GGH: variants seen among roughly 807,000 people sequenced by gnomAD.
GGH encodes the protein gamma-Glu-X carboxypeptidase.
In GGH, 18 loss-of-function variants were observed where a neutral mutation model predicts 39.2. The ratio of observed to expected loss-of-function variants is 0.46; its 90% CI spans 0.32 to 0.68. The LOEUF is 0.68. Ranked by LOEUF, GGH falls within the 30% of genes least tolerant of loss-of-function variation. The pLI is 0.04. For missense variants in GGH, 367 were observed against 384.1 expected (o/e 0.96, Z 0.37); for synonymous variants, 147 against 138.8 (o/e 1.06, Z -0.42).
intron 7 of GGH, among the ~76,000 whole-genome samples, chr8:63,022,511 C>CCCT (rs1554602561): frequency 6.6e-6 from 1 of 151,538 alleles, no homozygotes; most frequent in Non-Finnish European, 1.5e-5. Context: ...CTGTGTCTAA[C>CCCT]CTGATTAACA....
At chr8:63,016,665 T>G (rs2130950222) in intron 8 of GGH, among the ~76,000 whole-genome samples, 2 of 152,328 alleles carry the variant, frequency 1.3e-5, no homozygotes, top group East Asian at 3.9e-4. Context: ...ATGAAACGAC[T>G]TCAAAGTAAA....
At chr8:63,020,895 G>A (rs866889150) in intron 7 of GGH, among the ~76,000 whole-genome samples, 2 of 152,158 alleles carry the variant, frequency 1.3e-5, no homozygotes, top group Non-Finnish European at 2.9e-5. Context: ...CTGGAAGATG[G>A]GTTTGTGGAA....
chr8:63,016,308 T>C (rs1804486339), intron 8 of GGH, among the ~76,000 whole-genome samples: 1 of 152,142 alleles, frequency 6.6e-6, no homozygotes. Context: ...ACTAATACTG[T>C]ATATGGGATA....
At chr8:63,017,871 C>T (rs12677972) in intron 7 of GGH, 47,618 of 373,906 alleles carry the variant, frequency 0.13, 3,960 homozygotes, top group East Asian at 0.36. Flanking sequence ...TTTCGAGATA[C>T]TCATAGCAAA....
intron 7 of GGH, among the ~76,000 whole-genome samples, chr8:63,018,347 G>A (rs1404746775): frequency 6.6e-6 from 1 of 151,738 alleles, no homozygotes; most frequent in Non-Finnish European, 1.5e-5. Flanking sequence ...TTCTTCAGAT[G>A]TGCCTTTCCT....
chr8:63,030,879 T>A (rs1047437182), intron 2 of GGH, among the ~76,000 whole-genome samples: 1 of 152,128 alleles, frequency 6.6e-6, no homozygotes, highest in African/African-American at 2.4e-5. Context: ...CTTTATTCCC[T>A]TTCTCCAGAA....
At chr8:63,018,168 T>C (rs1416800096) in intron 7 of GGH, among the ~76,000 whole-genome samples, 2 of 152,042 alleles carry the variant, frequency 1.3e-5, no homozygotes, top group Admixed American at 6.6e-5. Context: ...AAAGCAGACA[T>C]AAAACAAGAA....
chr8:63,020,084 AC>A (rs1804560378), intron 7 of GGH, among the ~76,000 whole-genome samples: 2 of 152,094 alleles, frequency 1.3e-5, no homozygotes, highest in Admixed American at 6.6e-5. Context: ...TTTCCCACAA[AC>A]TTTTTGAAGT....
intron 3 of GGH, 61 bp downstream of exon 3, chr8:63,030,106 T>C: frequency 1.4e-6 from 1 of 737,058 alleles, no homozygotes; most frequent in Admixed American, 2.1e-5. Context: ...TGATTTCTTT[T>C]ACAAAAGCAG....
chr8:63,018,699 C>G (rs1804531082), intron 7 of GGH, among the ~76,000 whole-genome samples: 1 of 152,184 alleles, frequency 6.6e-6, no homozygotes, highest in Non-Finnish European at 1.5e-5. Flanking sequence ...AGCAAGAGAC[C>G]CACAGGCTGG....
chr8:63,035,337 G>A (rs568919337), intron 2 of GGH, among the ~76,000 whole-genome samples: 3 of 152,200 alleles, frequency 2.0e-5, no homozygotes, highest in African/African-American at 4.8e-5. Flanking sequence ...ATGGAGTCTC[G>A]ATCTGTTGCC....
chr8:63,036,011 C>T (rs1038196261), intron 1 of GGH, among the ~76,000 whole-genome samples: 8 of 152,128 alleles, frequency 5.3e-5, no homozygotes, highest in Admixed American at 6.5e-5. Flanking sequence ...AGAAGGCTTA[C>T]AATAGCACTT....
At chr8:63,025,781 C>T (rs971169488) in intron 5 of GGH, among the ~76,000 whole-genome samples, 4 of 151,788 alleles carry the variant, frequency 2.6e-5, no homozygotes, top group African/African-American at 7.3e-5. Flanking sequence ...AACCCCTAAG[C>T]GTTATTAGAC....
rs191194248 is a variant in GGH, at chr8:63,027,304, G to A, written c.276-39C>T. 2.1e-4 allele frequency: 220 copies of A among 1,068,560 alleles called. 1 individual carries two copies. The East Asian group carries it at 5.1e-3, about 25-fold the overall frequency. 66.2% of individuals were successfully genotyped at this position (1,068,560 alleles called of 1,614,324 possible). A position where few individuals can be genotyped will look rare whatever the true frequency, so the allele number is the denominator to read the frequency against. On this transcript the variant is annotated intron_variant, in intron 3 of 8. Coordinates refer to ENST00000260118, the MANE Select transcript of GGH (RefSeq NM_003878.3). Reference sequence around the variant, plus strand: ...ACATAAATCAAATAGGGTGTATTTTGCCACCCCCGACCCATACACACACAG... The same window carrying A: ...ACATAAATCAAATAGGGTGTATTTTACCACCCCCGACCCATACACACACAG...
intron 5 of GGH, chr8:63,024,791 A>C (rs1047600733): frequency 6.6e-6 from 1 of 152,238 alleles, no homozygotes; most frequent in Non-Finnish European, 1.5e-5. Context: ...GTTTCAAACC[A>C]GGCCCCTTAT....
intron 7 of GGH, among the ~76,000 whole-genome samples, chr8:63,022,244 G>T (rs551179077): frequency 6.6e-6 from 1 of 151,472 alleles, no homozygotes; most frequent in Non-Finnish European, 1.5e-5. Flanking sequence ...AAACCTTATT[G>T]TAGTGTGCCT....
intron 2 of GGH, among the ~76,000 whole-genome samples, chr8:63,032,274 G>A (rs867180241): frequency 8.5e-5 from 13 of 152,064 alleles, no homozygotes; most frequent in Middle Eastern, 3.2e-3. Flanking sequence ...GAACTTAAGC[G>A]ATCTTCCCAC....
chr8:63,020,112 C>T (rs72658355), intron 7 of GGH, among the ~76,000 whole-genome samples: 3,609 of 152,212 alleles, frequency 0.024, 58 homozygotes, highest in Middle Eastern at 0.031. Flanking sequence ...CATTCAGTAA[C>T]GAGTGAGATT....
Position 63,021,669 on chromosome 8 carries a change from C to CTTTTTTTTT in GGH, c.697+2229_697+2237dup, listed in dbSNP as rs752057959. Among the ~76,000 whole-genome samples, 20 of 93,312 alleles carry CTTTTTTTTT rather than the reference C, an allele frequency of 2.1e-4. 1 individual carries two copies. Among genetic ancestry groups the CTTTTTTTTT allele is most frequent in the African/African-American group, 4.5e-4 (10 of 22,062 alleles). 61.2% of individuals were successfully genotyped at this position (93,312 alleles called of 152,430 possible). On this transcript the variant is annotated intron_variant, in intron 7 of 8. Coordinates refer to ENST00000260118, the MANE Select transcript of GGH (RefSeq NM_003878.3). ...ATGGTATCCATTCAAATCTCATATC[C>CTTTTTTTTT]TTTTTTTTTTTTTTTTTTTTTTTGA...
Sources: gnomAD v4.1 joint callset for allele counts (sites outside exome capture counted in the v4.1 genomes callset) on GRCh38, gnomAD v4.1.1 for gene constraint, MANE v1.5 for transcripts, NCBI Gene and HGNC (gene_info 2026-07-23, HGNC 2026-07-21) for gene names.